BAZ2B: variants seen among roughly 807,000 people sequenced by gnomAD.
BAZ2B encodes the protein bromodomain adjacent to zinc finger domain 2B.
A neutral mutation model predicts 246.0 loss-of-function variants in BAZ2B; 91 were observed. That is an observed-to-expected ratio of 0.37 (90% confidence interval 0.31 to 0.44). The LOEUF is 0.44. Ranked by LOEUF, BAZ2B falls within the 20% of genes least tolerant of loss-of-function variation. The pLI is 1.00. For synonymous variants in BAZ2B, 855 were observed against 860.0 expected (o/e 0.99, Z 0.10); for missense variants, 2,332 against 2,533.7 (o/e 0.92, Z 1.71).
chr2:159,318,430 TA>T (rs1396725839), downstream of BAZ2B, among the ~76,000 whole-genome samples: 2 of 152,222 alleles, frequency 1.3e-5, no homozygotes, highest in African/African-American at 4.8e-5. Context: ...TTTGTGAAGT[TA>T]AAAAAATTTT....
Position 159,555,088 on chromosome 2 carries a change from G to A in BAZ2B, c.-3+735C>T, listed in dbSNP as rs201515761. On this transcript the variant is annotated intron_variant, in intron 2 of 36. Coordinates refer to ENST00000392783, the MANE Select transcript of BAZ2B (RefSeq NM_013450.4). ...GTGGGGGGTGTGTGTGTGTGTGTGT[G>A]TATTTTTTTTTTTTTTTTTTTTAGA... is the stretch of plus-strand genomic sequence containing the variant. Among the ~76,000 whole-genome samples the A allele has an allele frequency of 8.1e-3, 579 of 71,900 alleles. 2 individuals are homozygous for A. Among genetic ancestry groups the A allele is most frequent in the African/African-American group, 0.04 (402 of 9,986 alleles). 47.2% of individuals were successfully genotyped at this position (71,900 alleles called of 152,430 possible).
At chr2:159,377,101 A>T (rs1012032080) in intron 25 of BAZ2B, among the ~76,000 whole-genome samples, 2 of 152,190 alleles carry the variant, frequency 1.3e-5, no homozygotes, top group African/African-American at 2.4e-5. Flanking sequence ...CTTTGAGATA[A>T]AGGGGCTATG....
intron 1 of BAZ2B, among the ~76,000 whole-genome samples, chr2:159,568,806 G>A (rs985345989): frequency 3.9e-5 from 6 of 152,126 alleles, no homozygotes; most frequent in Admixed American, 2.0e-4. Context: ...ATTCTTAAGA[G>A]CTGAATTTTC....
Position 159,350,004 on chromosome 2 carries a change from C to G in BAZ2B, c.4567G>C (p.Ala1523Pro), listed in dbSNP as rs1301860932. The G allele has an allele frequency of 1.2e-6, 2 of 1,614,054 alleles. No individual in the cohort carries two copies. Among genetic ancestry groups the G allele is most frequent in the Non-Finnish European group, 1.7e-6 (2 of 1,180,032 alleles). ...GTATTAAACAGATTATTAGAGTCTG[C>G]CTTTTCCACATTGCTTTGCGTTGCT... ...STATQSNVEK[A>P]DSNNLFNTGS... The change falls in exon 28 of 37, where the codon GCA becomes CCA. Residue 1523 changes from alanine (A) to proline (P), a missense_variant. By Grantham distance (27) the Ala-to-Pro change is conservative. Coordinates refer to ENST00000392783, the MANE Select transcript of BAZ2B (RefSeq NM_013450.4).
chr2:159,432,412 G>A (rs556212172), intron 9 of BAZ2B, among the ~76,000 whole-genome samples: 1 of 152,270 alleles, frequency 6.6e-6, no homozygotes, highest in South Asian at 2.1e-4. Flanking sequence ...GTTCAAAACA[G>A]CTGGTGATGC....
At chr2:159,399,023 T>G (rs1197681551) in intron 17 of BAZ2B, 129 bp from the exon 18 acceptor site, 2 of 679,170 alleles carry the variant, frequency 2.9e-6, no homozygotes, top group East Asian at 2.9e-5. Context: ...TGTAGACAAT[T>G]ACAGATTTCC....
the BAZ2B span, among the ~76,000 whole-genome samples, chr2:159,693,046 T>C: frequency 2.7e-3 from 414 of 152,312 alleles, 2 homozygotes; most frequent in Non-Finnish European, 3.9e-3. Context: ...CCTCCTGTGT[T>C]GACCTCCAAA....
the BAZ2B span, among the ~76,000 whole-genome samples, chr2:159,626,319 A>G: frequency 2.6e-5 from 4 of 152,198 alleles, no homozygotes; most frequent in African/African-American, 9.6e-5. Flanking sequence ...CTCTGGACCA[A>G]GCGGATCTAA....
intron 2 of BAZ2B, among the ~76,000 whole-genome samples, chr2:159,532,996 T>C (rs189167418): frequency 5.6e-4 from 85 of 152,288 alleles, no homozygotes; most frequent in Non-Finnish European, 9.1e-4. Flanking sequence ...GTGGCATTGT[T>C]ATCCACAAAA....
chr2:159,332,595 G>A lies in BAZ2B; in HGVS notation c.5888C>T (p.Pro1963Leu). ...DKGCHTYCHR[P>L]KITTIPDGDW... ...TCCATCTGGGATTGTTGTAATCTTG[G>A]GTCTATGGCAGTAGGTATGACAGCC... Residue 1963 changes from proline (P) to leucine (L), a missense_variant, in exon 34 of 37, where the codon CCC (proline) becomes CTC (leucine). By Grantham distance (98) the Pro-to-Leu change is moderately conservative (BLOSUM62 -3). Around this residue, in one of 9 missense-constraint regions of BAZ2B, gnomAD observed 210 missense variants for 232.5 expected, o/e 0.90. Coordinates refer to ENST00000392783, the MANE Select transcript of BAZ2B (RefSeq NM_013450.4). The A allele has an allele frequency of 6.2e-7, 1 of 1,613,958 alleles. No homozygotes were observed. Among genetic ancestry groups the A allele is most frequent in the Non-Finnish European group, 8.5e-7 (1 of 1,179,930 alleles).
At chr2:159,422,215 G>A (rs1321511623) in intron 13 of BAZ2B, among the ~76,000 whole-genome samples, 2 of 152,118 alleles carry the variant, frequency 1.3e-5, no homozygotes, top group African/African-American at 2.4e-5. Context: ...AACCATCAAC[G>A]TAATGTTTCA....
intron 13 of BAZ2B, among the ~76,000 whole-genome samples, chr2:159,427,621 T>G (rs533995025): frequency 4.3e-4 from 65 of 152,298 alleles, no homozygotes; most frequent in South Asian, 2.3e-3. Context: ...TAGCTGTACT[T>G]TTCAGAAAAC....
rs772946088 is a variant in BAZ2B, at chr2:159,336,915, T to C, written c.5796+27A>G. On this transcript the variant is annotated intron_variant, in intron 33 of 36. Transcript: ENST00000392783. ...GAAACAGGACAAAGTAAATTAGTTA[T>C]AATATTTCTTAAATAAAAACACTTA... The C allele has an allele frequency of 4.6e-6, 7 of 1,536,172 alleles. No individual in the cohort carries two copies. In the African/African-American group the frequency reaches 5.6e-5, roughly 12 times the overall value.
intron 13 of BAZ2B, among the ~76,000 whole-genome samples, chr2:159,418,330 T>C (rs1424883048): frequency 6.6e-6 from 1 of 152,200 alleles, no homozygotes; most frequent in Non-Finnish European, 1.5e-5. Flanking sequence ...AACATTTCTG[T>C]TATATAGTCT....
intron 35 of BAZ2B, among the ~76,000 whole-genome samples, 161 bp from the exon 36 acceptor site, chr2:159,325,115 T>TG (rs1205277055): frequency 3.0e-4 from 1 of 3,306 alleles, no homozygotes; most frequent in Non-Finnish European, 6.2e-4. Flanking sequence ...TATATATATA[T>TG]TTTATATATA....
chr2:159,328,070 G>GAAAAAA (rs1306873341), intron 34 of BAZ2B, among the ~76,000 whole-genome samples: 98 of 49,414 alleles, frequency 2.0e-3, no homozygotes, highest in African/African-American at 4.3e-3. Flanking sequence ...GCCTCAAAAC[G>GAAAAAA]AAAAAAAAAA....
chr2:159,648,221 T>C, the BAZ2B span, among the ~76,000 whole-genome samples: 82 of 152,248 alleles, frequency 5.4e-4, no homozygotes, highest in African/African-American at 1.8e-3. Context: ...CACTGCAACC[T>C]CCACTTCCCA....
chr2:159,685,568 T>G, the BAZ2B span, among the ~76,000 whole-genome samples: 1 of 152,044 alleles, frequency 6.6e-6, no homozygotes, highest in East Asian at 1.9e-4. Context: ...GGCAAAAGCA[T>G]CTTGTAGTAC....
the BAZ2B span, among the ~76,000 whole-genome samples, chr2:159,661,481 T>C: frequency 1.3e-5 from 2 of 152,214 alleles, no homozygotes; most frequent in Non-Finnish European, 2.9e-5. Context: ...ATGAATCATG[T>C]GGTTGGGTTT....
Sources: gnomAD v4.1 joint callset for allele counts (sites outside exome capture counted in the v4.1 genomes callset) on GRCh38, gnomAD v4.1.1 for gene constraint, gnomAD v4.1.1 regional missense constraint, MANE v1.5 for transcripts, NCBI Gene and HGNC (gene_info 2026-07-23, HGNC 2026-07-21) for gene names.